Variants in TRIM51G observed in about 807,000 individuals in gnomAD.
The protein encoded by TRIM51G is tripartite motif-containing 51G, also known as tripartite motif-containing protein 51G.
At chr11:48,981,098 C>T in the TRIM51G span, 7 of 1,030,052 alleles carry the variant, frequency 6.8e-6, no homozygotes, top group Non-Finnish European at 1.0e-5. Context: ...CAAATTAGCC[C>T]ACAGAAAATA....
chr11:48,976,069 G>T, the TRIM51G span: 4 of 382,380 alleles, frequency 1.0e-5, no homozygotes, highest in African/African-American at 4.2e-5. Flanking sequence ...GGGAAAAGTT[G>T]TTCTACCAAG....
the TRIM51G span, among the ~76,000 whole-genome samples, chr11:48,979,512 A>C: frequency 6.6e-6 from 1 of 152,132 alleles, no homozygotes; most frequent in Non-Finnish European, 1.5e-5. Flanking sequence ...TAGCATTGTC[A>C]ACTCAATGCA....
At chr11:48,977,958 C>T in the TRIM51G span, among the ~76,000 whole-genome samples, 1 of 151,060 alleles carries the variant, frequency 6.6e-6, no homozygotes, top group East Asian at 1.9e-4. Flanking sequence ...CATTGAACTG[C>T]TTAATAAAAT....
the TRIM51G span, chr11:48,978,936 A>G: frequency 6.9e-6 from 11 of 1,590,166 alleles, no homozygotes; most frequent in South Asian, 1.2e-4. Flanking sequence ...TCCTCTTAAA[A>G]GCTCCCTGGA....
chr11:48,979,379 T>A, the TRIM51G span, among the ~76,000 whole-genome samples: 1 of 152,140 alleles, frequency 6.6e-6, no homozygotes, highest in African/African-American at 2.4e-5. Flanking sequence ...AAAACACAGT[T>A]TTTTCTTAAG....
At chr11:48,977,629 T>C in the TRIM51G span, among the ~76,000 whole-genome samples, 1 of 152,160 alleles carries the variant, frequency 6.6e-6, no homozygotes, top group Non-Finnish European at 1.5e-5. Context: ...TCTGGAGGCC[T>C]ACACGGTTCA....
the TRIM51G span, chr11:48,979,080 T>A: frequency 7.3e-6 from 6 of 821,662 alleles, no homozygotes; most frequent in Non-Finnish European, 1.3e-5. Context: ...TCTGATTGCT[T>A]CTATCCTTAA....
the TRIM51G span, chr11:48,981,369 G>A: frequency 6.2e-7 from 1 of 1,607,462 alleles, no homozygotes; most frequent in Non-Finnish European, 8.5e-7. Flanking sequence ...AACAGAGCAG[G>A]CTCTTGTCCA....
the TRIM51G span, among the ~76,000 whole-genome samples, chr11:48,977,394 A>G: frequency 3.9e-4 from 60 of 152,254 alleles, 1 homozygote; most frequent in African/African-American, 1.4e-3. Context: ...ATTTATTCGG[A>G]TCTTTCTTCG....
chr11:48,978,142 G>A, the TRIM51G span: 29 of 527,594 alleles, frequency 5.5e-5, no homozygotes, highest in African/African-American at 5.2e-4. Flanking sequence ...ACTCACCTTT[G>A]TAATATGTCT....
the TRIM51G span, chr11:48,981,795 A>G: frequency 1.6e-6 from 2 of 1,273,638 alleles, no homozygotes; most frequent in Non-Finnish European, 2.2e-6. Flanking sequence ...TCCTCTTGAC[A>G]GTGCTCATTA....
the TRIM51G span, among the ~76,000 whole-genome samples, chr11:48,977,901 T>C: frequency 1.5e-4 from 1 of 6,888 alleles, no homozygotes; most frequent in South Asian, 1.1e-3. Flanking sequence ...CTTTCTTTTT[T>C]ATTTATTTAT....
At chr11:48,979,646 T>C in the TRIM51G span, among the ~76,000 whole-genome samples, 2 of 152,114 alleles carry the variant, frequency 1.3e-5, no homozygotes, top group Non-Finnish European at 2.9e-5. Flanking sequence ...TAAATATTAC[T>C]GCACATGCTG....
chr11:48,981,531 G>A, the TRIM51G span: 396 of 1,603,208 alleles, frequency 2.5e-4, no homozygotes, highest in Non-Finnish European at 3.1e-4. Flanking sequence ...TTGTCTTCTT[G>A]CATTTAGAGC....
chr11:48,981,614 T>C, the TRIM51G span: 17 of 1,600,700 alleles, frequency 1.1e-5, no homozygotes, highest in Non-Finnish European at 1.4e-5. Flanking sequence ...CCACAGTCTA[T>C]GGTGACTGGG....
chr11:48,983,678 A>T, the TRIM51G span, among the ~76,000 whole-genome samples: 12 of 151,846 alleles, frequency 7.9e-5, no homozygotes, highest in Admixed American at 7.2e-4. Flanking sequence ...TATTTTTATC[A>T]CTGTAATTTA....
chr11:48,975,535 G>T, the TRIM51G span: 9 of 1,398,284 alleles, frequency 6.4e-6, no homozygotes, highest in South Asian at 1.0e-4. Flanking sequence ...CCAGAGAGGA[G>T]GTGAGAAGGA....
chr11:48,979,619 C>T, the TRIM51G span, among the ~76,000 whole-genome samples: 121,018 of 151,870 alleles, frequency 0.8, 48,474 homozygotes, highest in Non-Finnish European at 0.81. Flanking sequence ...TCCTCAAACC[C>T]CCAAATAAAT....
At chr11:48,975,990 A>G in the TRIM51G span, 2 of 655,538 alleles carry the variant, frequency 3.1e-6, no homozygotes, top group Non-Finnish European at 2.8e-6. Context: ...GCTGCAGAGT[A>G]AGATAAACTG....
Sources: gnomAD v4.1 joint callset for allele counts (sites outside exome capture counted in the v4.1 genomes callset) on GRCh38, gnomAD v4.1.1 for gene constraint, MANE v1.5 for transcripts, NCBI Gene and HGNC (gene_info 2026-07-23, HGNC 2026-07-21) for gene names.